CYP1A2: variants seen among roughly 807,000 people sequenced by gnomAD.
CYP1A2 encodes the protein cytochrome P450 family 1 subfamily A member 2.
CYP1A2 carries 35 observed loss-of-function variants against 34.7 expected under a neutral mutation model. The ratio of observed to expected loss-of-function variants is 1.01; its 90% CI spans 0.77 to 1.34. The LOEUF (loss-of-function observed/expected upper bound fraction) is 1.34. Among genes scored for constraint, CYP1A2 ranks in the 40% most tolerant of loss-of-function variants. CYP1A2 has a pLI of 0.00. For missense variants in CYP1A2, 675 were observed against 675.8 expected (o/e 1.00, Z 0.01); for synonymous variants, 288 against 281.9 (o/e 1.02, Z -0.22).
intron 3 of CYP1A2, 34 bp downstream of exon 3, chr15:74,751,343 A>G (rs990290810): frequency 6.2e-7 from 1 of 1,612,038 alleles, no homozygotes. Context: ...CCATCCAACA[A>G]TGCCTGCTGT....
Position 74,753,236 on chromosome 15 carries a change from G to A in CYP1A2, c.1219G>A (p.Val407Ile), listed in dbSNP as rs1402912656. 2.5e-6 allele frequency: 4 copies of A among 1,613,780 alleles called. No individual in the cohort carries two copies. The South Asian group carries it at 4.4e-5, about 18-fold the overall frequency. Residue 407 changes from valine to isoleucine, a missense_variant, in exon 6 of 7, where the codon GTC becomes ATC. Physicochemically the swap from Val to Ile is conservative, Grantham distance 29. Coordinates refer to ENST00000343932, the MANE Select transcript of CYP1A2 (RefSeq NM_000761.5). Reference protein sequence around the residue: ...NGFYIPKKCCVFVNQWQVNHD... With the variant: ...NGFYIPKKCCIFVNQWQVNHD... ...CTTCTACATCCCCAAGAAATGCTGT[G>A]TCTTCGTAAACCAGTGGCAGGTCAA...
Position 74,751,758 on chromosome 15 carries a change from G to A in CYP1A2, c.953-7G>A, listed in dbSNP as rs553046219. On this transcript the variant is annotated splice_region_variant and splice_polypyrimidine_tract_variant and intron_variant, in intron 3 of 6. Coordinates refer to ENST00000343932, the MANE Select transcript of CYP1A2 (RefSeq NM_000761.5). ...CTTCTTTCCTCACCTTACACTACACGGTTCAGGATTTGACACAGTCACCAC... is the reference window on the plus strand; with the variant it reads ...CTTCTTTCCTCACCTTACACTACACAGTTCAGGATTTGACACAGTCACCAC... The A allele has an allele frequency of 3.5e-5, 56 of 1,613,302 alleles. No individual in the cohort carries two copies. Among genetic ancestry groups the A allele is most frequent in the Admixed American group, 2.8e-4 (17 of 59,828 alleles).
Position 74,750,077 on chromosome 15 carries a change from C to T in CYP1A2, c.339C>T (p.Thr113=). ...TCAAGGGCCGGCCTGACCTCTACAC[C>T]TCCACCCTCATCACTGATGGCCAGA... ...DDFKGRPDLY[T]STLITDGQSL... Residue 113 remains threonine, a synonymous_variant, in exon 2 of 7, where the codon ACC becomes ACT. Coordinates refer to ENST00000343932, the MANE Select transcript of CYP1A2 (RefSeq NM_000761.5). 1 of 1,614,088 alleles carries T rather than the reference C, an allele frequency of 6.2e-7. No individual in the cohort carries two copies. The highest frequency in any genetic ancestry group is 8.5e-7 in the Non-Finnish European group (1 of 1,180,038).
rs747181148 is a variant in CYP1A2, at chr15:74,750,080, C to T, written c.342C>T (p.Ser114=). 5.6e-6 allele frequency: 9 copies of T among 1,614,060 alleles called. No homozygotes were observed. Among genetic ancestry groups the T allele is most frequent in the Admixed American group, 1.7e-5 (1 of 60,028 alleles). Residue 114 remains serine, a synonymous_variant, in exon 2 of 7, where the codon TCC becomes TCT. Coordinates refer to ENST00000343932, the MANE Select transcript of CYP1A2 (RefSeq NM_000761.5). ...DFKGRPDLYT[S]TLITDGQSLT... is the part of the protein sequence containing the mutation. ...AGGGCCGGCCTGACCTCTACACCTCCACCCTCATCACTGATGGCCAGAGCT... is the reference window on the plus strand; with the variant it reads ...AGGGCCGGCCTGACCTCTACACCTCTACCCTCATCACTGATGGCCAGAGCT...
Position 74,755,452 on chromosome 15 carries a change from T to TC in CYP1A2, c.*364_*365insC. ...TTATGCCATATAATTCACCTTCTTT[T>TC]TTTTTTTTTGTCTGAGACAGAATCT... is the stretch of plus-strand genomic sequence containing the variant. On this transcript the variant is annotated 3_prime_UTR_variant, in exon 7 of 7. Coordinates refer to ENST00000343932, the MANE Select transcript of CYP1A2 (RefSeq NM_000761.5). The TC allele has an allele frequency of 6.2e-6, 1 of 161,582 alleles. No individual in the cohort carries two copies. Among genetic ancestry groups the TC allele is most frequent in the Non-Finnish European group, 1.4e-5 (1 of 73,998 alleles). The allele number at this position is 161,582 out of a possible 1,614,324, so 10.0% of individuals were successfully genotyped here.
chr15:74,754,737 T>A, intron 6 of CYP1A2, 54 bp from the exon 7 acceptor site: 1 of 1,563,786 alleles, frequency 6.4e-7, no homozygotes, highest in Non-Finnish European at 8.7e-7. Flanking sequence ...CCCAGGCACC[T>A]CCTCCCAGGG....
In CYP1A2 at chr15:74,754,998, G is replaced by T. The variant is rs1382389338; in HGVS notation, c.1461G>T (p.Val487=). 6.2e-7 allele frequency: 1 copy of T among 1,614,122 alleles called. No individual in the cohort carries two copies. Among genetic ancestry groups the T allele is most frequent in the Non-Finnish European group, 8.5e-7 (1 of 1,180,060 alleles). The change falls in exon 7 of 7, where the codon GTG becomes GTT. Residue 487 remains valine, a synonymous_variant. Transcript: ENST00000343932. ...TGGAGTTCAGCGTGCCGCCGGGCGTGAAAGTCGACCTGACCCCCATCTACG... is the reference window on the plus strand; with the variant it reads ...TGGAGTTCAGCGTGCCGCCGGGCGTTAAAGTCGACCTGACCCCCATCTACG... ...QQLEFSVPPG[V]KVDLTPIYGL... is the part of the protein sequence containing the mutation.
rs150839466 is a variant in CYP1A2, at chr15:74,753,238, C to T, written c.1221C>T (p.Val407=). The T allele has an allele frequency of 6.2e-7, 1 of 1,613,822 alleles. No individual in the cohort carries two copies. Among genetic ancestry groups the T allele is most frequent in the African/African-American group, 1.3e-5 (1 of 74,922 alleles). ...TCTACATCCCCAAGAAATGCTGTGTCTTCGTAAACCAGTGGCAGGTCAACC... is the reference window on the plus strand; with the variant it reads ...TCTACATCCCCAAGAAATGCTGTGTTTTCGTAAACCAGTGGCAGGTCAACC... ...NGFYIPKKCC[V]FVNQWQVNHD... The change falls in exon 6 of 7, where the codon GTC becomes GTT. Residue 407 remains valine, a synonymous_variant. Transcript: ENST00000343932.
At chr15:74,752,103 C>T in intron 4 of CYP1A2, 21 bp from the exon 5 acceptor site, 2 of 1,613,454 alleles carry the variant, frequency 1.2e-6, no homozygotes, top group Non-Finnish European at 1.7e-6. Context: ...CTGAGCTCTG[C>T]TTGTCCTCTG....
At chr15:74,749,316 G>T (rs1005212116) in intron 1 of CYP1A2, among the ~76,000 whole-genome samples, 27 of 152,204 alleles carry the variant, frequency 1.8e-4, no homozygotes, top group African/African-American at 6.5e-4. Context: ...GGTCCCTTGG[G>T]TATATGGAAG....
At position 74,751,329 on chromosome 15, in the gene CYP1A2, C is replaced by A; in HGVS notation, c.952+20C>A. On this transcript the variant is annotated intron_variant, in intron 3 of 6. Transcript: ENST00000343932. ...GAGCAGGTAGGAACCAGAACCTTGC[C>A]CCTCCATCCAACAATGCCTGCTGTT... The A allele has an allele frequency of 6.2e-7, 1 of 1,613,320 alleles. No homozygotes were observed. Among genetic ancestry groups the A allele is most frequent in the Non-Finnish European group, 8.5e-7 (1 of 1,179,612 alleles).
chr15:74,752,160 C>G lies in CYP1A2; in HGVS notation c.1079C>G (p.Ser360Cys). 6.2e-7 allele frequency: 1 copy of G among 1,614,098 alleles called. No homozygotes were observed. The highest frequency in any genetic ancestry group is 8.5e-7 in the Non-Finnish European group (1 of 1,179,990). The change falls in exon 5 of 7, where the codon TCT becomes TGT. Residue 360 changes from serine to cysteine, a missense_variant. Ser to Cys is a moderately radical substitution (Grantham distance 112). Transcript: ENST00000343932. The part of the protein sequence containing the change: ...VIGRERRPRL[S>C]DRPQLPYLEA... ...GGCAGGGAGCGGCGGCCCCGGCTCT[C>G]TGACAGACCCCAGCTGCCCTACTTG...
Position 74,755,202 on chromosome 15 carries a change from G to T in CYP1A2, c.*114G>T. ...AAATAGCAGCTTTAGCCAAGTGCAG[G>T]GCCTGTAATCCCAGCATTTTAGGAG... On this transcript the variant is annotated 3_prime_UTR_variant, in exon 7 of 7. Transcript: ENST00000343932. The T allele has an allele frequency of 8.2e-7, 1 of 1,213,624 alleles. No homozygotes were observed. Among genetic ancestry groups the T allele is most frequent in the East Asian group, 2.5e-5 (1 of 39,412 alleles). 75.2% of individuals were successfully genotyped at this position (1,213,624 alleles called of 1,614,324 possible). A position where few individuals can be genotyped will look rare whatever the true frequency, so the allele number is the denominator to read the frequency against.
chr15:74,750,667 A>G, intron 2 of CYP1A2, 98 bp downstream of exon 2: 1 of 1,001,924 alleles, frequency 1.0e-6, no homozygotes, highest in Admixed American at 2.2e-5. Flanking sequence ...CTGTGTTGCC[A>G]AGGCCTAGGA....
At chr15:74,749,609 T>C in intron 1 of CYP1A2, 121 bp from the exon 2 acceptor site, 2 of 804,976 alleles carry the variant, frequency 2.5e-6, no homozygotes, top group Admixed American at 2.5e-5. Context: ...TTAGTCTTTC[T>C]GGTATCCAGC....
In CYP1A2 at chr15:74,756,447, C is replaced by A. The variant is rs1175290249; in HGVS notation, c.*1359C>A. Reference sequence around the variant, plus strand: ...AATTAATTTTAGAACATTTTCATCACCCCTAAAAGAAACCCTGCACCCATT... The same window carrying A: ...AATTAATTTTAGAACATTTTCATCAACCCTAAAAGAAACCCTGCACCCATT... On this transcript the variant is annotated 3_prime_UTR_variant, in exon 7 of 7. Transcript: ENST00000343932. Among the ~76,000 whole-genome samples, 1 of 152,052 alleles carries A rather than the reference C, an allele frequency of 6.6e-6. No homozygotes were observed. The highest frequency in any genetic ancestry group is 1.9e-4 in the East Asian group (1 of 5,194).
intron 1 of CYP1A2, among the ~76,000 whole-genome samples, 169 bp from the exon 2 acceptor site, chr15:74,749,561 G>A (rs17861150): frequency 0.011 from 1,613 of 152,304 alleles, 36 homozygotes; most frequent in African/African-American, 0.038. Context: ...TGCTCAAAGG[G>A]TGAGCTCTGT....
intron 4 of CYP1A2, 48 bp from the exon 5 acceptor site, chr15:74,752,076 G>T: frequency 6.2e-7 from 1 of 1,609,258 alleles, no homozygotes; most frequent in South Asian, 1.1e-5. Flanking sequence ...TAATTCATGG[G>T]GCAGTTAGGG....
intron 6 of CYP1A2, 64 bp from the exon 7 acceptor site, chr15:74,754,727 C>T (rs1567206812): frequency 2.0e-6 from 3 of 1,538,304 alleles, no homozygotes; most frequent in Non-Finnish European, 2.7e-6. Flanking sequence ...GTCTCCCTCC[C>T]CCAGGCACCT....
Sources: allele counts gnomAD v4.1 joint callset (sites outside exome capture counted in the v4.1 genomes callset), GRCh38; gene constraint gnomAD v4.1.1; transcripts MANE v1.5; gene names NCBI Gene and HGNC (gene_info 2026-07-23, HGNC 2026-07-21).